The following SRD5A2 variants were observed in gnomAD, a reference collection of about 807,000 sequenced individuals.
SRD5A2 encodes steroid 5 alpha-reductase 2.
Under a neutral mutation model 27.4 loss-of-function variants are expected in SRD5A2, and 30 were observed. The observed-to-expected ratio is 1.10, with a 90% CI of 0.82 to 1.49. The LOEUF (loss-of-function observed/expected upper bound fraction) is 1.49. Among genes scored for constraint, SRD5A2 ranks in the 40% most tolerant of loss-of-function variants. The pLI is 0.00. For missense variants in SRD5A2, 348 were observed against 323.4 expected, an observed-to-expected ratio of 1.08 and a Z score of -0.58; for synonymous variants, 141 against 133.6, an observed-to-expected ratio of 1.06 and a Z score of -0.38.
chr2:31,614,754 T>C, the SRD5A2 span, among the ~76,000 whole-genome samples: 4 of 152,082 alleles, frequency 2.6e-5, no homozygotes, highest in Non-Finnish European at 4.4e-5. Flanking sequence ...GTTCCAAAAC[T>C]TTAATTCTTG....
At chr2:31,557,222 T>C (rs142369028) in intron 1 of SRD5A2, among the ~76,000 whole-genome samples, 1 of 152,194 alleles carries the variant, frequency 6.6e-6, no homozygotes, top group African/African-American at 2.4e-5. Context: ...AGGGGAGGAA[T>C]CACCCTGAAG....
At chr2:31,612,445 TAGG>T in the SRD5A2 span, among the ~76,000 whole-genome samples, 24 of 152,060 alleles carry the variant, frequency 1.6e-4, no homozygotes, top group Admixed American at 1.4e-3. Context: ...ATAACATACT[TAGG>T]AGTAAATTTA....
At chr2:31,599,042 T>G in the SRD5A2 span, among the ~76,000 whole-genome samples, 5 of 151,826 alleles carry the variant, frequency 3.3e-5, no homozygotes, top group Non-Finnish European at 7.4e-5. Flanking sequence ...GACAAAGATT[T>G]CAAGGCAAAA....
the SRD5A2 span, among the ~76,000 whole-genome samples, chr2:31,603,629 A>T: frequency 3.6e-4 from 55 of 152,178 alleles, no homozygotes; most frequent in African/African-American, 1.2e-3. Context: ...AATAGCAAAG[A>T]CATGGAATCA....
chr2:31,595,627 AAAG>A, the SRD5A2 span, among the ~76,000 whole-genome samples: 1 of 152,232 alleles, frequency 6.6e-6, no homozygotes, highest in South Asian at 2.1e-4. Flanking sequence ...GTCAGCATTC[AAAG>A]AAGAACTGGT....
the SRD5A2 span, among the ~76,000 whole-genome samples, chr2:31,656,387 A>T: frequency 6.6e-6 from 1 of 152,146 alleles, no homozygotes. Flanking sequence ...CTAGACTTTA[A>T]AAATGCCTCA....
At chr2:31,538,037 C>T (rs1028918156) in intron 1 of SRD5A2, among the ~76,000 whole-genome samples, 8 of 152,076 alleles carry the variant, frequency 5.3e-5, no homozygotes, top group Non-Finnish European at 1.2e-4. Context: ...TATAGCAGCG[C>T]AAAACAGACA....
intron 1 of SRD5A2, among the ~76,000 whole-genome samples, chr2:31,571,969 C>T (rs1270908295): frequency 6.6e-6 from 1 of 152,180 alleles, no homozygotes; most frequent in Non-Finnish European, 1.5e-5. Flanking sequence ...TCAGCAATCC[C>T]ATTATTGGGT....
the SRD5A2 span, among the ~76,000 whole-genome samples, chr2:31,586,789 C>CA: frequency 1.3e-5 from 2 of 152,130 alleles, no homozygotes; most frequent in African/African-American, 4.8e-5. Context: ...CAAAAAAACA[C>CA]AGACAGTGAA....
chr2:31,650,378 A>G, the SRD5A2 span, among the ~76,000 whole-genome samples: 2 of 152,306 alleles, frequency 1.3e-5, no homozygotes, highest in East Asian at 1.9e-4. Context: ...ATGGGTCACT[A>G]AAGTGAAGAA....
chr2:31,628,273 C>T, the SRD5A2 span, among the ~76,000 whole-genome samples: 1 of 151,954 alleles, frequency 6.6e-6, no homozygotes, highest in Admixed American at 6.6e-5. Flanking sequence ...TCTGTTTCTT[C>T]TGAAATTAGA....
At chr2:31,644,958 T>C in the SRD5A2 span, among the ~76,000 whole-genome samples, 4 of 152,226 alleles carry the variant, frequency 2.6e-5, no homozygotes, top group African/African-American at 9.6e-5. Flanking sequence ...TATTAATTTA[T>C]CTCAAAACTG....
chr2:31,549,111 T>TATC (rs1666326781), intron 1 of SRD5A2, among the ~76,000 whole-genome samples: 1 of 146,376 alleles, frequency 6.8e-6, no homozygotes, highest in Non-Finnish European at 1.5e-5. Context: ...TTATTATTAT[T>TATC]ATTATTATTA....
intron 2 of SRD5A2, among the ~76,000 whole-genome samples, chr2:31,532,900 G>C (rs1453898942): frequency 1.3e-5 from 2 of 152,020 alleles, no homozygotes; most frequent in African/African-American, 4.8e-5. Context: ...CAAATTGGTA[G>C]GGAACTAAAT....
At chr2:31,544,481 G>A (rs1255404913) in intron 1 of SRD5A2, among the ~76,000 whole-genome samples, 11 of 151,622 alleles carry the variant, frequency 7.3e-5, no homozygotes, top group Non-Finnish European at 5.9e-5. Flanking sequence ...GAAAGCAAAG[G>A]GAAATTAGAA....
chr2:31,530,524 T>C (rs1319675878), intron 3 of SRD5A2, among the ~76,000 whole-genome samples: 3 of 152,216 alleles, frequency 2.0e-5, no homozygotes, highest in South Asian at 2.1e-4. Flanking sequence ...TTGATGTAGA[T>C]ACTGTTAGGA....
chr2:31,637,596 C>G, the SRD5A2 span, among the ~76,000 whole-genome samples: 2 of 151,986 alleles, frequency 1.3e-5, no homozygotes, highest in Non-Finnish European at 2.9e-5. Context: ...ATATAACTAG[C>G]CTTCAATCTG....
At chr2:31,628,049 T>C in the SRD5A2 span, among the ~76,000 whole-genome samples, 3 of 152,146 alleles carry the variant, frequency 2.0e-5, no homozygotes, top group African/African-American at 7.2e-5. Context: ...GCCTCGATGA[T>C]TTATCTAATA....
chr2:31,608,294 T>C, the SRD5A2 span, among the ~76,000 whole-genome samples: 1 of 152,024 alleles, frequency 6.6e-6, no homozygotes, highest in African/African-American at 2.4e-5. Flanking sequence ...TGTAATTATA[T>C]ACTGTGAAAG....
Sources: allele counts gnomAD v4.1 joint callset (sites outside exome capture counted in the v4.1 genomes callset), GRCh38; gene constraint gnomAD v4.1.1; transcripts MANE v1.5; gene names NCBI Gene and HGNC (gene_info 2026-07-23, HGNC 2026-07-21).